Variants in DLC1 observed in about 807,000 individuals in gnomAD.
DLC1 encodes rho GTPase-activating protein 7.
A neutral mutation model predicts 140.3 loss-of-function variants in DLC1; 54 were observed. The observed-to-expected ratio is 0.38, with a 90% CI of 0.31 to 0.48. The LOEUF is 0.48. DLC1 is among the 20% of genes least tolerant of loss of function. The pLI is 0.96. For synonymous variants in DLC1, 986 were observed against 728.1 expected, an observed-to-expected ratio of 1.35 and a Z score of -5.70; for missense variants, 2,536 against 1,907.0, an observed-to-expected ratio of 1.33 and a Z score of -6.14.
At chr8:13,534,131 T>G (rs1430758048) in intron 1 of DLC1, among the ~76,000 whole-genome samples, 1 of 152,186 alleles carries the variant, frequency 6.6e-6, no homozygotes, top group Non-Finnish European at 1.5e-5. Context: ...TCTGTTTAGA[T>G]ATCACTCATT....
chr8:13,325,119 TA>T (rs1833285320), intron 4 of DLC1, among the ~76,000 whole-genome samples: 1 of 152,182 alleles, frequency 6.6e-6, no homozygotes, highest in Non-Finnish European at 1.5e-5. Context: ...TAGCCTTCTG[TA>T]ACTTTTGGCA....
Position 13,143,813 on chromosome 8 carries a change from T to TGAGAGAGAGAGAGAGAGAGAGAGA in DLC1, c.1349-28180_1349-28157dup, listed in dbSNP as rs35079610. Among the ~76,000 whole-genome samples, 405 of 128,670 alleles carry TGAGAGAGAGAGAGAGAGAGAGAGA rather than the reference T, an allele frequency of 3.1e-3. 4 individuals are homozygous for TGAGAGAGAGAGAGAGAGAGAGAGA. The highest frequency in any genetic ancestry group is 5.3e-3 in the African/African-American group (170 of 32,138). The allele number at this position is 128,670 out of a possible 152,430, so 84.4% of individuals were successfully genotyped here. The stretch of plus-strand genomic sequence containing the variant: ...GATGTTGAAAGACCAAATGAAAAGC[T>TGAGAGAGAGAGAGAGAGAGAGAGA]GAGAGAGAGAGAGAGAGAGAGAGAG... On this transcript the variant is annotated intron_variant, in intron 5 of 17. Coordinates refer to ENST00000276297, the MANE Select transcript of DLC1 (RefSeq NM_182643.3).
intron 4 of DLC1, among the ~76,000 whole-genome samples, chr8:13,384,372 G>A (rs1436954828): frequency 8.1e-6 from 1 of 123,940 alleles, no homozygotes; most frequent in Non-Finnish European, 1.9e-5. Flanking sequence ...ATGTGTGTGA[G>A]CGTGCGCGTG....
intron 5 of DLC1, among the ~76,000 whole-genome samples, chr8:13,224,455 C>T (rs1188303): frequency 4.6e-5 from 7 of 151,864 alleles, no homozygotes; most frequent in Non-Finnish European, 4.4e-5. Context: ...TACAAATGCC[C>T]GTGTCATTAA....
chr8:13,535,171 A>G (rs1192774552), intron 1 of DLC1, among the ~76,000 whole-genome samples: 1 of 152,182 alleles, frequency 6.6e-6, no homozygotes, highest in Admixed American at 6.5e-5. Flanking sequence ...ATATATACTA[A>G]TTAAGATGAT....
intron 4 of DLC1, among the ~76,000 whole-genome samples, chr8:13,321,187 C>G (rs902574128): frequency 1.3e-5 from 2 of 152,176 alleles, no homozygotes; most frequent in Non-Finnish European, 2.9e-5. Flanking sequence ...CGTCTATTCA[C>G]CTATGTGCTA....
intron 2 of DLC1, among the ~76,000 whole-genome samples, chr8:13,494,628 G>T (rs1801416624): frequency 6.6e-6 from 1 of 152,112 alleles, no homozygotes; most frequent in African/African-American, 2.4e-5. Context: ...TGCTTTCTGA[G>T]ATAGCAGCCA....
At chr8:13,214,596 A>T in intron 5 of DLC1, 1 of 660,392 alleles carries the variant, frequency 1.5e-6, no homozygotes, top group Non-Finnish European at 2.8e-6. Flanking sequence ...AGGAAATTGG[A>T]GTGCAGTGTT....
chr8:13,369,368 A>AAAG (rs1415025564), intron 4 of DLC1, among the ~76,000 whole-genome samples: 1 of 151,802 alleles, frequency 6.6e-6, no homozygotes, highest in East Asian at 1.9e-4. Context: ...AAAAAAAAAA[A>AAAG]AAAAAGATTA....
intron 5 of DLC1, among the ~76,000 whole-genome samples, chr8:13,117,112 T>C (rs566534056): frequency 6.6e-6 from 1 of 152,302 alleles, no homozygotes; most frequent in East Asian, 1.9e-4. Flanking sequence ...AATTATAAAA[T>C]AGACACTTCC....
intron 5 of DLC1, among the ~76,000 whole-genome samples, chr8:13,146,914 A>C (rs574932764): frequency 6.6e-6 from 1 of 152,340 alleles, no homozygotes; most frequent in Non-Finnish European, 1.5e-5. Flanking sequence ...ATTTAGGAAG[A>C]ATGAAGGAAT....
At chr8:13,205,090 C>A (rs1174028580) in intron 5 of DLC1, among the ~76,000 whole-genome samples, 2 of 151,298 alleles carry the variant, frequency 1.3e-5, no homozygotes, top group Non-Finnish European at 2.9e-5. Context: ...TGGGTGGTCA[C>A]ACTAGGAAAA....
chr8:13,579,318 TATATATATATATATATA>T lies in DLC1; in HGVS notation c.-126+25202_-126+25218del, dbSNP rs1804964664. ...GTCAGATACCACAGGTCTGACTTTATATATATATATATATATATATATATATATATATATATATATAT... is the reference window on the plus strand; with the variant it reads ...GTCAGATACCACAGGTCTGACTTTATTATATATATATATATATATATATAT... On this transcript the variant is annotated intron_variant, in intron 1 of 1. Coordinates refer to the DLC1 transcript ENST00000631382. Among the ~76,000 whole-genome samples the T allele has an allele frequency of 3.5e-3, 19 of 5,474 alleles. 4 individuals carry two copies. Among genetic ancestry groups the T allele is most frequent in the Admixed American group, 0.02 (6 of 296 alleles). The allele number at this position is 5,474 out of a possible 152,430, so 3.6% of individuals were successfully genotyped here.
intron 5 of DLC1, among the ~76,000 whole-genome samples, chr8:13,301,535 C>A (rs1586096077): frequency 6.6e-6 from 1 of 152,160 alleles, no homozygotes; most frequent in African/African-American, 2.4e-5. Flanking sequence ...ATGGCAGATT[C>A]TTGATTTGTG....
At chr8:13,576,930 T>C (rs972515067) in intron 1 of DLC1, among the ~76,000 whole-genome samples, 2 of 151,906 alleles carry the variant, frequency 1.3e-5, no homozygotes, top group African/African-American at 2.4e-5. Flanking sequence ...AACATATTAG[T>C]AATATCTCTG....
intron 5 of DLC1, among the ~76,000 whole-genome samples, chr8:13,273,644 TG>T (rs1371992528): frequency 8.2e-5 from 12 of 147,236 alleles, no homozygotes; most frequent in Non-Finnish European, 1.8e-4. Context: ...ATGTAAATGA[TG>T]CTTTTTGTAC....
chr8:13,369,538 T>A (rs962768779), intron 4 of DLC1, among the ~76,000 whole-genome samples: 1 of 152,170 alleles, frequency 6.6e-6, no homozygotes, highest in Non-Finnish European at 1.5e-5. Flanking sequence ...TTTGATGAGT[T>A]CTCTCATTCT....
chr8:13,461,897 G>T (rs181458787), intron 2 of DLC1, among the ~76,000 whole-genome samples: 162 of 152,290 alleles, frequency 1.1e-3, no homozygotes, highest in Non-Finnish European at 1.9e-3. Flanking sequence ...GACATGCTGT[G>T]TGATGCTTCT....
chr8:13,603,878 C>G (rs1414404617), intron 1 of DLC1, among the ~76,000 whole-genome samples: 1 of 151,970 alleles, frequency 6.6e-6, no homozygotes, highest in African/African-American at 2.4e-5. Flanking sequence ...AAAAGCTATG[C>G]CTTTGAGAAT....
Sources: allele counts gnomAD v4.1 joint callset (sites outside exome capture counted in the v4.1 genomes callset), GRCh38; gene constraint gnomAD v4.1.1; transcripts MANE v1.5; gene names NCBI Gene and HGNC (gene_info 2026-07-23, HGNC 2026-07-21).